EPB41L4A: variants seen among roughly 807,000 people sequenced by gnomAD.
EPB41L4A encodes the protein band 4.1-like protein 4A.
A neutral mutation model predicts 108.6 loss-of-function variants in EPB41L4A; 100 were observed. The ratio of observed to expected loss-of-function variants is 0.92; its 90% CI spans 0.78 to 1.09. The LOEUF is 1.09. Among genes scored for constraint, EPB41L4A ranks in the 50% least tolerant of loss-of-function variants. The pLI, the probability that EPB41L4A is intolerant of heterozygous loss-of-function variation, is 0.00. For synonymous variants in EPB41L4A, 319 were observed against 289.0 expected (o/e 1.10, Z -1.05); for missense variants, 1,030 against 842.7 (o/e 1.22, Z -2.75).
At chr5:112,215,771 A>AC (rs956593995) in intron 12 of EPB41L4A, among the ~76,000 whole-genome samples, 15 of 147,030 alleles carry the variant, frequency 1.0e-4, no homozygotes, top group Non-Finnish European at 1.8e-4. Context: ...TCAAAAAAAA[A>AC]AAAAAACAAA....
chr5:112,375,339 A>T (rs1482663831), intron 1 of EPB41L4A, among the ~76,000 whole-genome samples: 3 of 148,662 alleles, frequency 2.0e-5, no homozygotes, highest in African/African-American at 7.5e-5. Context: ...ACACACATAC[A>T]CACACACACA....
At chr5:112,289,500 C>A (rs1454839029) in intron 2 of EPB41L4A, among the ~76,000 whole-genome samples, 1 of 152,138 alleles carries the variant, frequency 6.6e-6, no homozygotes, top group African/African-American at 2.4e-5. Flanking sequence ...AATAGAATGC[C>A]ACAGAAGTAA....
intron 1 of EPB41L4A, among the ~76,000 whole-genome samples, chr5:112,358,230 T>C (rs912736347): frequency 6.6e-6 from 1 of 152,248 alleles, no homozygotes; most frequent in Admixed American, 6.5e-5. Context: ...CCTTACTGTA[T>C]ATGTCCAGCT....
chr5:112,272,362 C>G (rs1433677533), intron 4 of EPB41L4A, among the ~76,000 whole-genome samples: 1 of 151,042 alleles, frequency 6.6e-6, no homozygotes, highest in Admixed American at 6.6e-5. Flanking sequence ...AGGCTGGTTT[C>G]GAACTCCTGA....
intron 2 of EPB41L4A, among the ~76,000 whole-genome samples, chr5:112,301,058 AT>A (rs1029904644): frequency 6.6e-6 from 1 of 151,228 alleles, no homozygotes; most frequent in Non-Finnish European, 1.5e-5. Context: ...TCCTTGTATC[AT>A]TTTTTTTGAT....
At chr5:112,357,429 G>C (rs1291160892) in intron 1 of EPB41L4A, among the ~76,000 whole-genome samples, 1 of 152,216 alleles carries the variant, frequency 6.6e-6, no homozygotes, top group African/African-American at 2.4e-5. Context: ...GAAATTGCAA[G>C]AGCAGATGTC....
intron 11 of EPB41L4A, among the ~76,000 whole-genome samples, chr5:112,236,925 G>A (rs559065124): frequency 6.6e-6 from 1 of 152,198 alleles, no homozygotes; most frequent in Non-Finnish European, 1.5e-5. Context: ...CTGACACAAA[G>A]GAGGTTCTTA....
intron 12 of EPB41L4A, among the ~76,000 whole-genome samples, chr5:112,155,598 C>T (rs2112818439): frequency 6.6e-6 from 1 of 152,214 alleles, no homozygotes; most frequent in East Asian, 1.9e-4. Flanking sequence ...ACCACCACAT[C>T]TTCCTCCCTA....
At chr5:112,392,196 A>G (rs1249291438) in intron 1 of EPB41L4A, among the ~76,000 whole-genome samples, 1 of 152,178 alleles carries the variant, frequency 6.6e-6, no homozygotes, top group Non-Finnish European at 1.5e-5. Context: ...CTAACATCAT[A>G]ATGACAGAAT....
chr5:112,211,043 T>C (rs538694634), intron 12 of EPB41L4A, among the ~76,000 whole-genome samples: 27 of 152,298 alleles, frequency 1.8e-4, no homozygotes, highest in African/African-American at 6.3e-4. Flanking sequence ...GCTTCACATC[T>C]ATTTACTCAT....
At chr5:112,172,603 T>C (rs898738075) in intron 18 of EPB41L4A, among the ~76,000 whole-genome samples, 3 of 152,082 alleles carry the variant, frequency 2.0e-5, no homozygotes, top group Non-Finnish European at 4.4e-5. Flanking sequence ...CTACATTTGG[T>C]TGGTCTGATT....
At chr5:112,275,496 C>T in intron 3 of EPB41L4A, 92 bp from the exon 4 acceptor site, 2 of 1,329,476 alleles carry the variant, frequency 1.5e-6, no homozygotes, top group East Asian at 2.8e-5. Context: ...AATTACACTC[C>T]AAGATTGTCT....
chr5:112,229,116 T>TA, intron 12 of EPB41L4A, among the ~76,000 whole-genome samples: 1 of 152,318 alleles, frequency 6.6e-6, no homozygotes, highest in South Asian at 2.1e-4. Context: ...TCTTCTAAAG[T>TA]AAAAACTCAT....
chr5:112,403,392 C>T (rs1044596276), intron 1 of EPB41L4A, among the ~76,000 whole-genome samples: 4 of 147,938 alleles, frequency 2.7e-5, no homozygotes, highest in African/African-American at 9.9e-5. Context: ...TCATAATTAA[C>T]TTAATGTCTT....
At chr5:112,339,465 T>A (rs1757122734) in intron 1 of EPB41L4A, among the ~76,000 whole-genome samples, 1 of 52,312 alleles carries the variant, frequency 1.9e-5, no homozygotes, top group Non-Finnish European at 4.3e-5. Flanking sequence ...GCTATAGATA[T>A]ATATATATCT....
At chr5:112,170,393 T>C in intron 19 of EPB41L4A, 24 bp from the exon 20 acceptor site, 1 of 1,466,096 alleles carries the variant, frequency 6.8e-7, no homozygotes. Flanking sequence ...TGCAAGAAAA[T>C]GATAGTTGTG....
At chr5:112,257,246 A>C (rs1187599673) in intron 9 of EPB41L4A, 1 of 152,224 alleles carries the variant, frequency 6.6e-6, no homozygotes, top group East Asian at 1.9e-4. Context: ...ATACTTAGGA[A>C]ACAGAATGCT....
chr5:112,405,096 A>C (rs372278628), intron 1 of EPB41L4A, among the ~76,000 whole-genome samples: 1 of 152,308 alleles, frequency 6.6e-6, no homozygotes, highest in East Asian at 1.9e-4. Flanking sequence ...AGCAGAAATG[A>C]CAGGATGTTA....
intron 9 of EPB41L4A, among the ~76,000 whole-genome samples, chr5:112,254,063 C>G (rs1351084050): frequency 2.0e-5 from 3 of 152,136 alleles, no homozygotes; most frequent in Non-Finnish European, 4.4e-5. Flanking sequence ...GGTTCTACAT[C>G]CTGTCACACG....
Sources: gnomAD v4.1 joint callset for allele counts (sites outside exome capture counted in the v4.1 genomes callset) on GRCh38, gnomAD v4.1.1 for gene constraint, MANE v1.5 for transcripts, NCBI Gene and HGNC (gene_info 2026-07-23, HGNC 2026-07-21) for gene names.